MED17: variants seen among roughly 807,000 people sequenced by gnomAD.
The protein encoded by MED17 is mediator complex subunit 17, also known as mediator of RNA polymerase II transcription subunit 17.
Under a neutral mutation model 80.8 loss-of-function variants are expected in MED17, and 49 were observed. The observed-to-expected ratio is 0.61, with a 90% CI of 0.48 to 0.77. MED17 has a LOEUF of 0.77. Ranked by LOEUF, MED17 falls within the 30% of genes least tolerant of loss-of-function variation. The pLI is 0.00. For synonymous variants in MED17, 281 were observed against 280.4 expected (o/e 1.00, Z -0.02); for missense variants, 718 against 787.0 (o/e 0.91, Z 1.05).
Position 93,813,295 on chromosome 11 carries a change from G to A in MED17, c.*1231G>A, listed in dbSNP as rs117067264. 1.5e-4 allele frequency: 23 copies of A among 152,242 alleles called. No individual in the cohort carries two copies. In the East Asian group the frequency reaches 3.9e-3, roughly 26 times the overall value. The allele number at this position is 152,242 out of a possible 1,614,324, so 9.4% of individuals were successfully genotyped here. On this transcript the variant is annotated 3_prime_UTR_variant, in exon 12 of 12. Transcript: ENST00000251871. ...TAAAAGTCCTTTGTATTTCTCCACC[G>A]TGTTTTCATTAAAGAAAAATGGAGC...
At position 93,793,720 on chromosome 11, in the gene MED17, A is replaced by T; in HGVS notation, c.638-8A>T. The T allele has an allele frequency of 6.5e-7, 1 of 1,544,838 alleles. No individual in the cohort carries two copies. The highest frequency in any genetic ancestry group is 8.9e-7 in the Non-Finnish European group (1 of 1,119,302). On this transcript the variant is annotated splice_region_variant and splice_polypyrimidine_tract_variant and intron_variant, in intron 3 of 11. Coordinates refer to ENST00000251871, the MANE Select transcript of MED17 (RefSeq NM_004268.5). ...TTTTATATTTTCCTATTTTTAATACAACATTAGGATCTCTCTTTCCTCATC... is the reference window on the plus strand; with the variant it reads ...TTTTATATTTTCCTATTTTTAATACTACATTAGGATCTCTCTTTCCTCATC...
chr11:93,786,161 C>T (rs753724468), intron 1 of MED17, among the ~76,000 whole-genome samples: 3 of 152,294 alleles, frequency 2.0e-5, no homozygotes, highest in Admixed American at 6.5e-5. Flanking sequence ...TAGTTGATAT[C>T]TTCTCTATTC....
chr11:93,794,892 A>G lies in MED17; in HGVS notation c.860-16A>G. On this transcript the variant is annotated splice_polypyrimidine_tract_variant and intron_variant, in intron 5 of 11. Transcript: ENST00000251871. The stretch of plus-strand genomic sequence containing the variant: ...ATATGGTTAGATAATTGATACATAT[A>G]TTTCTTGTCTTTCAGGTTCCCCACA... 3.1e-6 allele frequency: 5 copies of G among 1,613,312 alleles called. No individual in the cohort carries two copies. Among genetic ancestry groups the G allele is most frequent in the Non-Finnish European group, 4.2e-6 (5 of 1,179,234 alleles).
chr11:93,790,815 T>C (rs1314348783), intron 3 of MED17, 22 bp downstream of exon 3: 1 of 1,604,024 alleles, frequency 6.2e-7, no homozygotes, highest in Non-Finnish European at 8.5e-7. Flanking sequence ...TATTAAAAAC[T>C]ATACTTTCTG....
rs570239290 is a variant in MED17 at position 93,792,245 on chromosome 11, G to A, written c.637+1452G>A. ...TATCATTATCCTAAAATTAAAAAAA[G>A]GTTAAGGTGGTTAAGTCAAATACTG... On this transcript the variant is annotated intron_variant, in intron 3 of 11. Transcript: ENST00000251871. Among the ~76,000 whole-genome samples the A allele has an allele frequency of 2.2e-4, 34 of 152,228 alleles. 1 individual carries two copies. In the South Asian group the frequency reaches 3.9e-3, roughly 18 times the overall value.
At chr11:93,785,853 A>T (rs1479311877) in intron 1 of MED17, among the ~76,000 whole-genome samples, 2 of 152,148 alleles carry the variant, frequency 1.3e-5, no homozygotes, top group Non-Finnish European at 2.9e-5. Context: ...AAATTAAAAA[A>T]ATTAGCTGGG....
intron 4 of MED17, 36 bp downstream of exon 4, chr11:93,793,900 G>T: frequency 6.2e-6 from 10 of 1,612,750 alleles, no homozygotes; most frequent in Non-Finnish European, 8.5e-6. Context: ...AATTTCTTAC[G>T]AATAGCCTGA....
chr11:93,794,053 T>A lies in MED17; in HGVS notation c.859+18T>A, dbSNP rs657177. 1.3e-6 allele frequency: 2 copies of A among 1,595,262 alleles called. No homozygotes were observed. The highest frequency in any genetic ancestry group is 1.7e-6 in the Non-Finnish European group (2 of 1,163,110). On this transcript the variant is annotated intron_variant, in intron 5 of 11. Coordinates refer to ENST00000251871, the MANE Select transcript of MED17 (RefSeq NM_004268.5). ...CAAACCAGGTATGGTTATGTTCTAT[T>A]CTCTAATTTCTGGTCTTATTTGAGC...
intron 3 of MED17, 78 bp downstream of exon 3, chr11:93,790,871 C>G: frequency 1.6e-6 from 2 of 1,273,814 alleles, no homozygotes; most frequent in Non-Finnish European, 2.2e-6. Flanking sequence ...CTTTGGAAGG[C>G]CAAGGCAGTT....
intron 8 of MED17, among the ~76,000 whole-genome samples, chr11:93,800,291 C>T (rs2135717090): frequency 6.6e-6 from 1 of 152,092 alleles, no homozygotes; most frequent in Non-Finnish European, 1.5e-5. Flanking sequence ...CATTTCTTCC[C>T]ATTGTCTTTT....
intron 4 of MED17, 22 bp downstream of exon 4, chr11:93,793,886 AAGT>A: frequency 6.2e-7 from 1 of 1,613,528 alleles, no homozygotes; most frequent in Non-Finnish European, 8.5e-7. Context: ...AATATTTTTC[AAGT>A]AATTTCTTAC....
Position 93,813,202 on chromosome 11 carries a change from T to C in MED17, c.*1138T>C, listed in dbSNP as rs771641530. On this transcript the variant is annotated 3_prime_UTR_variant, in exon 12 of 12. Transcript: ENST00000251871. ...GTATCATATAGGCAAGCTCTCCTTA[T>C]AAGTAAGGCTTTCAATTTTTAAAAC... 2 of 152,194 alleles carry C rather than the reference T, an allele frequency of 1.3e-5. No homozygotes were observed. The highest frequency in any genetic ancestry group is 1.9e-4 in the East Asian group (1 of 5,194). The allele number at this position is 152,194 out of a possible 1,614,324, so 9.4% of individuals were successfully genotyped here.
intron 3 of MED17, among the ~76,000 whole-genome samples, chr11:93,792,990 A>T (rs1267812624): frequency 6.6e-6 from 1 of 151,898 alleles, no homozygotes; most frequent in Non-Finnish European, 1.5e-5. Context: ...TGAAAAAAAG[A>T]TGTTATGTGC....
intron 10 of MED17, chr11:93,807,907 A>G: frequency 2.2e-6 from 1 of 456,066 alleles, no homozygotes; most frequent in Non-Finnish European, 4.0e-6. Context: ...CACATGTCAT[A>G]TTTGTGAAGG....
In MED17 at chr11:93,813,592, T is replaced by C. The variant is rs1248257919; in HGVS notation, c.*1528T>C. On this transcript the variant is annotated 3_prime_UTR_variant, in exon 12 of 12. Coordinates refer to ENST00000251871, the MANE Select transcript of MED17 (RefSeq NM_004268.5). ...TTTTGCTGAATGACCAGTTTTTGTTTATATAAACTTCTCCCATTGCAGATT... is the reference window on the plus strand; with the variant it reads ...TTTTGCTGAATGACCAGTTTTTGTTCATATAAACTTCTCCCATTGCAGATT... 6.6e-6 allele frequency: 1 copy of C among 152,212 alleles called. No homozygotes were observed. Among genetic ancestry groups the C allele is most frequent in the Non-Finnish European group, 1.5e-5 (1 of 68,038 alleles). The allele number at this position is 152,212 out of a possible 1,614,324, so 9.4% of individuals were successfully genotyped here. A position where few individuals can be genotyped will look rare whatever the true frequency, so the allele number is the denominator to read the frequency against.
At chr11:93,798,691 T>C (rs1943930903) in intron 8 of MED17, among the ~76,000 whole-genome samples, 1 of 152,126 alleles carries the variant, frequency 6.6e-6, no homozygotes, top group South Asian at 2.1e-4. Context: ...AGGGATTTAG[T>C]GTCTATGGTC....
At chr11:93,800,198 T>TGC (rs1172418928) in intron 8 of MED17, among the ~76,000 whole-genome samples, 1 of 152,182 alleles carries the variant, frequency 6.6e-6, no homozygotes, top group African/African-American at 2.4e-5. Flanking sequence ...TTTCAGAATG[T>TGC]ATTGTAAGAA....
At chr11:93,786,736 T>A (rs1053480172) in intron 1 of MED17, among the ~76,000 whole-genome samples, 1 of 152,174 alleles carries the variant, frequency 6.6e-6, no homozygotes, top group African/African-American at 2.4e-5. Flanking sequence ...CCCAAAGTGC[T>A]GGGATTACAG....
intron 6 of MED17, chr11:93,795,292 T>A: frequency 1.7e-6 from 1 of 582,702 alleles, no homozygotes; most frequent in Non-Finnish European, 3.0e-6. Context: ...TTTGCACTTA[T>A]GTAGTCATTA....
Sources: allele counts gnomAD v4.1 joint callset (sites outside exome capture counted in the v4.1 genomes callset), GRCh38; gene constraint gnomAD v4.1.1; transcripts MANE v1.5; gene names NCBI Gene and HGNC (gene_info 2026-07-23, HGNC 2026-07-21).